Variants in CNTNAP2 observed in about 807,000 individuals in gnomAD.
The protein encoded by CNTNAP2 is contactin associated protein 2.
A neutral mutation model predicts 155.2 loss-of-function variants in CNTNAP2; 98 were observed. The ratio of observed to expected loss-of-function variants is 0.63; its 90% CI spans 0.54 to 0.75. CNTNAP2 has a LOEUF of 0.75. Ranked by LOEUF, CNTNAP2 falls within the 30% of genes least tolerant of loss-of-function variation. The pLI is 0.00. For missense variants in CNTNAP2, 1,727 were observed against 1,688.1 expected (o/e 1.02, Z -0.40); for synonymous variants, 651 against 631.2 (o/e 1.03, Z -0.47).
chr7:148,373,986 C>T (rs901133276), intron 21 of CNTNAP2, among the ~76,000 whole-genome samples: 3 of 152,158 alleles, frequency 2.0e-5, no homozygotes, highest in African/African-American at 7.2e-5. Context: ...ATGGCAAGGT[C>T]CCGAGATTCT....
chr7:148,130,861 C>T (rs1336151507), intron 16 of CNTNAP2, among the ~76,000 whole-genome samples: 2 of 152,108 alleles, frequency 1.3e-5, no homozygotes, highest in African/African-American at 2.4e-5. Context: ...CAGAAGACTT[C>T]ATTTCCCCAA....
intron 1 of CNTNAP2, among the ~76,000 whole-genome samples, chr7:146,717,577 A>G (rs1801213102): frequency 6.6e-6 from 1 of 152,040 alleles, no homozygotes; most frequent in Non-Finnish European, 1.5e-5. Context: ...TTAATTTTAC[A>G]AAGGCATTCC....
At chr7:146,289,997 T>C (rs1226614739) in intron 1 of CNTNAP2, among the ~76,000 whole-genome samples, 1 of 152,182 alleles carries the variant, frequency 6.6e-6, no homozygotes, top group Admixed American at 6.5e-5. Context: ...CTTGGAAGAT[T>C]GCTGGCAGAA....
At chr7:148,277,026 C>T (rs1258673607) in intron 21 of CNTNAP2, among the ~76,000 whole-genome samples, 2 of 152,214 alleles carry the variant, frequency 1.3e-5, no homozygotes, top group South Asian at 2.1e-4. Flanking sequence ...CTCTGTCCCT[C>T]ATGAATAAAA....
In CNTNAP2 at chr7:146,805,651, A is replaced by G. The variant is rs146162533; in HGVS notation, c.208+31270A>G. Among the ~76,000 whole-genome samples, 286 of 152,312 alleles carry G rather than the reference A, an allele frequency of 1.9e-3. 1 individual carries two copies. The highest frequency in any genetic ancestry group is 6.4e-3 in the African/African-American group (265 of 41,570). The stretch of plus-strand genomic sequence containing the variant: ...GTCTACCACTCTCTACTCCATGTCT[A>G]TAATATTAATCTCTGTGTCATAAGG... On this transcript the variant is annotated intron_variant, in intron 2 of 23. Coordinates refer to ENST00000361727, the MANE Select transcript of CNTNAP2 (RefSeq NM_014141.6).
chr7:147,185,683 C>T (rs1042311104), intron 8 of CNTNAP2, among the ~76,000 whole-genome samples: 1 of 152,052 alleles, frequency 6.6e-6, no homozygotes, highest in African/African-American at 2.4e-5. Flanking sequence ...TTTTATAAAA[C>T]TCAAATGAGT....
chr7:147,956,482 T>C (rs1194501700), intron 14 of CNTNAP2, among the ~76,000 whole-genome samples: 1 of 152,208 alleles, frequency 6.6e-6, no homozygotes, highest in Admixed American at 6.5e-5. Flanking sequence ...TAATGAAATC[T>C]TGCAATTAGT....
intron 21 of CNTNAP2, among the ~76,000 whole-genome samples, chr7:148,380,280 C>G (rs1339123842): frequency 6.6e-6 from 1 of 152,162 alleles, no homozygotes; most frequent in African/African-American, 2.4e-5. Flanking sequence ...GAGTAACATA[C>G]TTTACTTGTA....
chr7:146,315,668 C>T (rs1212104133), intron 1 of CNTNAP2, among the ~76,000 whole-genome samples: 1 of 152,122 alleles, frequency 6.6e-6, no homozygotes, highest in Non-Finnish European at 1.5e-5. Context: ...TGTTTATTTA[C>T]ATTTTGTTTA....
intron 22 of CNTNAP2, among the ~76,000 whole-genome samples, chr7:148,405,827 G>A (rs2116707772): frequency 6.6e-6 from 1 of 151,386 alleles, no homozygotes; most frequent in East Asian, 2.0e-4. Context: ...TGTTGGCCAG[G>A]ATGGTCTCGA....
At chr7:147,638,239 A>G (rs959518171) in intron 12 of CNTNAP2, among the ~76,000 whole-genome samples, 2 of 151,634 alleles carry the variant, frequency 1.3e-5, no homozygotes, top group Non-Finnish European at 2.9e-5. Context: ...CTCATCTTTC[A>G]TCTTGCACAT....
At chr7:146,620,031 G>A (rs752236838) in intron 1 of CNTNAP2, among the ~76,000 whole-genome samples, 5 of 152,070 alleles carry the variant, frequency 3.3e-5, no homozygotes, top group Non-Finnish European at 7.4e-5. Flanking sequence ...ATATAGCCTT[G>A]CAAATAGTTG....
Position 146,450,197 on chromosome 7 carries a change from T to G in CNTNAP2, c.98-324074T>G, listed in dbSNP as rs186292024. Reference sequence around the variant, plus strand: ...TAATAACATGAACTTTGAGCTATCTTAAAGCCAATATTGCATTTTAAAGAA... The same window carrying G: ...TAATAACATGAACTTTGAGCTATCTGAAAGCCAATATTGCATTTTAAAGAA... On this transcript the variant is annotated intron_variant, in intron 1 of 23. Coordinates refer to ENST00000361727, the MANE Select transcript of CNTNAP2 (RefSeq NM_014141.6). Among the ~76,000 whole-genome samples the G allele has an allele frequency of 1.8e-3, 281 of 152,332 alleles. 1 individual carries two copies. Among genetic ancestry groups the G allele is most frequent in the Non-Finnish European group, 2.1e-3 (144 of 68,024 alleles).
intron 15 of CNTNAP2, among the ~76,000 whole-genome samples, chr7:148,044,963 A>G: frequency 6.6e-6 from 1 of 152,146 alleles, no homozygotes; most frequent in East Asian, 1.9e-4. Context: ...AAGTGCTGAG[A>G]TGACAGGCGG....
intron 16 of CNTNAP2, among the ~76,000 whole-genome samples, chr7:148,127,465 A>G (rs1804740119): frequency 6.6e-6 from 1 of 152,210 alleles, no homozygotes; most frequent in Non-Finnish European, 1.5e-5. Flanking sequence ...AGGTATCAGG[A>G]TAACTTGGAG....
chr7:148,271,899 A>G (rs906008349), intron 21 of CNTNAP2, among the ~76,000 whole-genome samples: 1 of 150,974 alleles, frequency 6.6e-6, no homozygotes, highest in African/African-American at 2.4e-5. Context: ...AGGTTTTGAA[A>G]CCCCCTGGAG....
At chr7:147,190,028 G>A (rs778553916) in intron 8 of CNTNAP2, among the ~76,000 whole-genome samples, 51 of 152,114 alleles carry the variant, frequency 3.4e-4, no homozygotes, top group Non-Finnish European at 6.0e-4. Context: ...ACAGGTGTGA[G>A]CCACCGTGCC....
chr7:146,798,032 G>A (rs918619803), intron 2 of CNTNAP2, among the ~76,000 whole-genome samples: 1 of 152,128 alleles, frequency 6.6e-6, no homozygotes, highest in Non-Finnish European at 1.5e-5. Context: ...CCAGCACTTT[G>A]GGAGGCTGAG....
chr7:148,321,368 A>G (rs980424872), intron 21 of CNTNAP2, among the ~76,000 whole-genome samples: 4 of 152,218 alleles, frequency 2.6e-5, no homozygotes, highest in African/African-American at 9.6e-5. Context: ...CTCAGTGGTT[A>G]TACTGTTGCC....
Sources: allele counts gnomAD v4.1 joint callset (sites outside exome capture counted in the v4.1 genomes callset), GRCh38; gene constraint gnomAD v4.1.1; transcripts MANE v1.5; gene names NCBI Gene and HGNC (gene_info 2026-07-23, HGNC 2026-07-21).